RGS17: variants seen among roughly 807,000 people sequenced by gnomAD.
RGS17 encodes the protein regulator of G-protein signaling 17.
In RGS17, 12 loss-of-function variants were observed where a neutral mutation model predicts 25.5. That is an observed-to-expected ratio of 0.47 (90% confidence interval 0.30 to 0.76). RGS17 has a LOEUF of 0.76. RGS17 is among the 30% of genes least tolerant of loss of function. The pLI, the probability that RGS17 is intolerant of heterozygous loss-of-function variation, is 0.07. For synonymous variants in RGS17, 71 were observed against 76.9 expected (o/e 0.92, Z 0.40); for missense variants, 196 against 242.2 (o/e 0.81, Z 1.27).
At chr6:153,105,486 T>C (rs1230166481) in intron 1 of RGS17, among the ~76,000 whole-genome samples, 1 of 152,146 alleles carries the variant, frequency 6.6e-6, no homozygotes, top group African/African-American at 2.4e-5. Flanking sequence ...CCACTCACAA[T>C]GAGCTTATAA....
At chr6:153,067,752 T>C (rs901413809) in intron 1 of RGS17, among the ~76,000 whole-genome samples, 1 of 152,166 alleles carries the variant, frequency 6.6e-6, no homozygotes, top group Non-Finnish European at 1.5e-5. Context: ...ATCTAAAGAT[T>C]CTATGCAATC....
At chr6:153,038,709 T>C (rs1227021123) in intron 2 of RGS17, among the ~76,000 whole-genome samples, 3 of 152,226 alleles carry the variant, frequency 2.0e-5, no homozygotes, top group Admixed American at 2.0e-4. Context: ...CATGGATTTT[T>C]GTTTTTCCTT....
intron 1 of RGS17, among the ~76,000 whole-genome samples, chr6:153,117,087 A>G (rs1384776473): frequency 6.6e-6 from 1 of 152,156 alleles, no homozygotes; most frequent in African/African-American, 2.4e-5. Flanking sequence ...TTAAAAAAAG[A>G]AAAAATATAA....
Position 153,069,518 on chromosome 6 carries a change from T to C in RGS17, c.-25-25475A>G, listed in dbSNP as rs74385514. Among the ~76,000 whole-genome samples the C allele has an allele frequency of 8.4e-4, 128 of 152,036 alleles. 1 individual carries two copies. The highest frequency in any genetic ancestry group is 2.3e-3 in the East Asian group (12 of 5,158). ...GGATAATGGGTGGAAAAAAAATAGTTAGAAGGAATGAATAAGACCTACCAT... is the reference window on the plus strand; with the variant it reads ...GGATAATGGGTGGAAAAAAAATAGTCAGAAGGAATGAATAAGACCTACCAT... On this transcript the variant is annotated intron_variant, in intron 1 of 4. Transcript: ENST00000206262.
rs142436791 is a variant in RGS17, at chr6:153,051,696, T to A, written c.-25-7653A>T. On this transcript the variant is annotated intron_variant, in intron 1 of 4. Coordinates refer to ENST00000206262, the MANE Select transcript of RGS17 (RefSeq NM_012419.5). ...TTCCTCCTGACTGTTTAGTAAAATGTGAGAAGAGAGAAATGATGTGAAGAG... is the reference window on the plus strand; with the variant it reads ...TTCCTCCTGACTGTTTAGTAAAATGAGAGAAGAGAGAAATGATGTGAAGAG... 6.5e-4 allele frequency among the ~76,000 whole-genome samples: 99 copies of A among 152,214 alleles called. No homozygotes were observed. The Middle Eastern group carries it at 0.01, about 16-fold the overall frequency.
At chr6:153,070,812 TATACATATACATATATACAC>T (rs1410867611) in intron 1 of RGS17, among the ~76,000 whole-genome samples, 3 of 150,756 alleles carry the variant, frequency 2.0e-5, no homozygotes, top group African/African-American at 7.3e-5. Flanking sequence ...CATATACACA[TATACATATACATATATACAC>T]ATACATATAC....
intron 1 of RGS17, among the ~76,000 whole-genome samples, chr6:153,127,885 G>A (rs946345951): frequency 1.1e-4 from 17 of 152,070 alleles, no homozygotes; most frequent in Admixed American, 4.6e-4. Context: ...GAGCCATGTC[G>A]ACCCTGCAAA....
chr6:153,050,071 G>A (rs1776441281), intron 1 of RGS17, among the ~76,000 whole-genome samples: 1 of 152,066 alleles, frequency 6.6e-6, no homozygotes, highest in Non-Finnish European at 1.5e-5. Context: ...ACTCAAAAAT[G>A]GTGTTGAGAT....
intron 1 of RGS17, among the ~76,000 whole-genome samples, chr6:153,072,182 A>T (rs554415028): frequency 1.8e-4 from 27 of 152,298 alleles, no homozygotes; most frequent in African/African-American, 5.8e-4. Context: ...AAATATTAAG[A>T]AATATGAAAA....
At chr6:153,107,556 AG>A (rs770581387) in intron 1 of RGS17, among the ~76,000 whole-genome samples, 6 of 152,220 alleles carry the variant, frequency 3.9e-5, no homozygotes, top group Non-Finnish European at 8.8e-5. Context: ...AAAAAATTCA[AG>A]TACAAAATCA....
At chr6:153,082,182 C>G (rs776702733) in intron 1 of RGS17, among the ~76,000 whole-genome samples, 1 of 152,166 alleles carries the variant, frequency 6.6e-6, no homozygotes, top group Non-Finnish European at 1.5e-5. Flanking sequence ...CTGGCTTTTA[C>G]TAATAGTGTA....
intron 1 of RGS17, among the ~76,000 whole-genome samples, chr6:153,058,549 T>G (rs554748631): frequency 5.3e-5 from 8 of 152,340 alleles, no homozygotes; most frequent in South Asian, 2.1e-4. Flanking sequence ...TCATGGTTGT[T>G]GAAAGCATCC....
At chr6:153,100,563 A>G (rs758908568) in intron 1 of RGS17, among the ~76,000 whole-genome samples, 29 of 152,206 alleles carry the variant, frequency 1.9e-4, no homozygotes, top group Non-Finnish European at 3.8e-4. Flanking sequence ...AGGAAAGGAA[A>G]GAAAAAAAGG....
At chr6:153,028,539 A>G (rs1188062212) in intron 2 of RGS17, among the ~76,000 whole-genome samples, 2 of 152,180 alleles carry the variant, frequency 1.3e-5, no homozygotes, top group Non-Finnish European at 2.9e-5. Context: ...GAGATTCATG[A>G]ATGAGTAAGA....
At chr6:153,120,733 A>G (rs186547316) in intron 1 of RGS17, among the ~76,000 whole-genome samples, 3 of 152,296 alleles carry the variant, frequency 2.0e-5, no homozygotes, top group Admixed American at 6.5e-5. Flanking sequence ...TAGCCTTATC[A>G]TCTAGTGATT....
chr6:153,049,363 G>A (rs534973258), intron 1 of RGS17, among the ~76,000 whole-genome samples: 60 of 152,066 alleles, frequency 3.9e-4, no homozygotes, highest in Middle Eastern at 3.4e-3. Context: ...GAAATATTAC[G>A]AAACTTTATC....
intron 2 of RGS17, among the ~76,000 whole-genome samples, chr6:153,031,446 T>C (rs1156460221): frequency 6.6e-6 from 1 of 152,200 alleles, no homozygotes; most frequent in African/African-American, 2.4e-5. Flanking sequence ...TACACAACAC[T>C]TCCTCATCCA....
At chr6:153,129,596 T>C (rs1261879520) in intron 1 of RGS17, among the ~76,000 whole-genome samples, 1 of 152,220 alleles carries the variant, frequency 6.6e-6, no homozygotes, top group African/African-American at 2.4e-5. Context: ...AACCAGTATG[T>C]ATGAACGCCG....
chr6:153,020,819 G>A (rs1163088250), intron 4 of RGS17, among the ~76,000 whole-genome samples: 6 of 152,168 alleles, frequency 3.9e-5, no homozygotes, highest in Non-Finnish European at 7.4e-5. Context: ...AGCCAAGATT[G>A]TCTAGCCCCA....
Sources: allele counts gnomAD v4.1 joint callset (sites outside exome capture counted in the v4.1 genomes callset), GRCh38; gene constraint gnomAD v4.1.1; transcripts MANE v1.5; gene names NCBI Gene and HGNC (gene_info 2026-07-23, HGNC 2026-07-21).